SPMIP11: variants seen among roughly 807,000 people sequenced by gnomAD.
SPMIP11 encodes sperm microtubule inner protein 11, also known as long intergenic non-protein coding RNA 935.
the SPMIP11 span, chr12:48,764,934 G>A: frequency 2.8e-6 from 2 of 702,942 alleles, no homozygotes; most frequent in Non-Finnish European, 5.2e-6. Flanking sequence ...AGTGCGTCCA[G>A]AGGAAACCAT....
chr12:48,764,828 T>C, the SPMIP11 span: 2 of 701,622 alleles, frequency 2.9e-6, no homozygotes, highest in Admixed American at 2.0e-5. Context: ...TTAGATAACC[T>C]GCCCTTCCCC....
the SPMIP11 span, chr12:48,770,850 C>T: frequency 6.2e-7 from 1 of 1,614,116 alleles, no homozygotes. Context: ...TCAGCCAGGG[C>T]AGTGATGTGG....
the SPMIP11 span, chr12:48,767,218 G>C: frequency 6.5e-6 from 1 of 152,732 alleles, no homozygotes; most frequent in African/African-American, 2.4e-5. Flanking sequence ...GACAGTTCAA[G>C]TGCTGGCATG....
chr12:48,769,491 C>T, the SPMIP11 span, among the ~76,000 whole-genome samples: 3 of 151,692 alleles, frequency 2.0e-5, no homozygotes, highest in Admixed American at 2.0e-4. Context: ...AGGAGCTCCC[C>T]TGAGTCAAGA....
chr12:48,738,090 G>T, the SPMIP11 span, among the ~76,000 whole-genome samples: 1 of 152,020 alleles, frequency 6.6e-6, no homozygotes. Context: ...CTCCCAAAGT[G>T]CTGGGATTAC....
the SPMIP11 span, among the ~76,000 whole-genome samples, chr12:48,747,273 G>A: frequency 3.9e-5 from 6 of 152,074 alleles, no homozygotes; most frequent in African/African-American, 1.4e-4. Context: ...ACAGGCATGA[G>A]CCACCATGCC....
chr12:48,745,617 T>A, the SPMIP11 span, among the ~76,000 whole-genome samples: 1 of 152,140 alleles, frequency 6.6e-6, no homozygotes, highest in African/African-American at 2.4e-5. Context: ...CAATTTCAGA[T>A]GAATTAGAGA....
At chr12:48,761,695 G>A in the SPMIP11 span, among the ~76,000 whole-genome samples, 28 of 145,060 alleles carry the variant, frequency 1.9e-4, no homozygotes, top group Non-Finnish European at 7.5e-5. Flanking sequence ...ATCACATAGC[G>A]TATGATGCCA....
the SPMIP11 span, chr12:48,770,869 C>A: frequency 6.2e-7 from 1 of 1,614,234 alleles, no homozygotes; most frequent in Non-Finnish European, 8.5e-7. Context: ...GGGAGCGGCC[C>A]ACCTGATCGT....
chr12:48,771,385 C>A, the SPMIP11 span: 1 of 510,370 alleles, frequency 2.0e-6, no homozygotes, highest in Non-Finnish European at 3.6e-6. This position sits in a 1 kb window ranked among gnomAD's most constrained non-coding sequence, Gnocchi z 4.3. Context: ...GACCATCTTG[C>A]TTGGTTGGTC....
the SPMIP11 span, among the ~76,000 whole-genome samples, chr12:48,743,507 A>G: frequency 6.6e-6 from 1 of 152,166 alleles, no homozygotes; most frequent in African/African-American, 2.4e-5. Context: ...TTTGGCAAGC[A>G]TGAATTAAAA....
At chr12:48,751,697 C>T in the SPMIP11 span, among the ~76,000 whole-genome samples, 1 of 152,100 alleles carries the variant, frequency 6.6e-6, no homozygotes, top group Non-Finnish European at 1.5e-5. Context: ...CCTCAGTTTC[C>T]TCACCTATAA....
chr12:48,753,477 G>A, the SPMIP11 span, among the ~76,000 whole-genome samples: 3 of 152,052 alleles, frequency 2.0e-5, no homozygotes, highest in African/African-American at 4.8e-5. Context: ...AGCTGAACTC[G>A]TCTTACTTAC....
At chr12:48,768,559 G>T in the SPMIP11 span, 2 of 1,614,058 alleles carry the variant, frequency 1.2e-6, no homozygotes, top group Non-Finnish European at 8.5e-7. Context: ...GCCCACCTTG[G>T]TCCCTTCAGC....
chr12:48,732,567 C>T, the SPMIP11 span, among the ~76,000 whole-genome samples: 1 of 150,580 alleles, frequency 6.6e-6, no homozygotes, highest in African/African-American at 2.4e-5. Context: ...GTCAGGAGTT[C>T]GAGACCATCC....
the SPMIP11 span, among the ~76,000 whole-genome samples, chr12:48,732,429 A>G: frequency 6.6e-6 from 1 of 152,106 alleles, no homozygotes; most frequent in African/African-American, 2.4e-5. Context: ...TAATCTTGCT[A>G]CTAGGCATCA....
At chr12:48,757,653 TAAAAATA>T in the SPMIP11 span, among the ~76,000 whole-genome samples, 7 of 31,690 alleles carry the variant, frequency 2.2e-4, no homozygotes, top group African/African-American at 4.5e-4. Context: ...CTCAAAAAAA[TAAAAATA>T]AAAATAAAAT....
chr12:48,746,596 A>AC, the SPMIP11 span, among the ~76,000 whole-genome samples: 1 of 151,584 alleles, frequency 6.6e-6, no homozygotes, highest in Non-Finnish European at 1.5e-5. Flanking sequence ...CGAACCCCTG[A>AC]CCCCGTGATC....
chr12:48,730,373 A>G, the SPMIP11 span, among the ~76,000 whole-genome samples: 1 of 152,092 alleles, frequency 6.6e-6, no homozygotes, highest in African/African-American at 2.4e-5. Context: ...GGAAGATTGA[A>G]CATCAAATAT....
Sources: allele counts gnomAD v4.1 joint callset (sites outside exome capture counted in the v4.1 genomes callset), GRCh38; gene constraint gnomAD v4.1.1; non-coding constraint Gnocchi (gnomAD v3.1); transcripts MANE v1.5; gene names NCBI Gene and HGNC (gene_info 2026-07-23, HGNC 2026-07-21).